Variants in SLC26A3 observed in about 807,000 individuals in gnomAD.
SLC26A3 encodes the protein chloride anion exchanger.
SLC26A3 carries 64 observed loss-of-function variants against 85.6 expected under a neutral mutation model. The observed-to-expected ratio is 0.75, with a 90% CI of 0.61 to 0.92. SLC26A3 has a LOEUF of 0.92. Ranked by LOEUF, SLC26A3 falls within the 40% of genes least tolerant of loss-of-function variation. The probability of loss-of-function intolerance (pLI) is 0.00; values close to 1 mark genes in which losing one functional copy is unlikely to be tolerated. For synonymous variants in SLC26A3, 349 were observed against 336.0 expected, an observed-to-expected ratio of 1.04 and a Z score of -0.42; for missense variants, 922 against 927.3, an observed-to-expected ratio of 0.99 and a Z score of 0.07.
chr7:107,770,276 A>T (rs142172221), intron 18 of SLC26A3, among the ~76,000 whole-genome samples: 3 of 52,918 alleles, frequency 5.7e-5, no homozygotes, highest in East Asian at 6.2e-4. Flanking sequence ...TTTTGATTTG[A>T]GACAGGGTCT....
chr7:107,780,732 A>G (rs907856828), intron 11 of SLC26A3, among the ~76,000 whole-genome samples: 2 of 152,172 alleles, frequency 1.3e-5, no homozygotes, highest in Admixed American at 1.3e-4. Flanking sequence ...AATTTTACTA[A>G]CTGTGAGAAT....
In SLC26A3 at chr7:107,783,370, C is replaced by G. The variant is rs561451277; in HGVS notation, c.972-18G>C. 2 of 1,613,990 alleles carry G rather than the reference C, an allele frequency of 1.2e-6. No homozygotes were observed. The highest frequency in any genetic ancestry group is 1.7e-5 in the Admixed American group (1 of 60,018). On this transcript the variant is annotated intron_variant, in intron 8 of 20. Coordinates refer to ENST00000340010, the MANE Select transcript of SLC26A3 (RefSeq NM_000111.3). Reference sequence around the variant, plus strand: ...GCTGAAATCTAAAATTGAAATTAAGCAAGTCTGAATGTCACCAACCAATTT... The same window carrying G: ...GCTGAAATCTAAAATTGAAATTAAGGAAGTCTGAATGTCACCAACCAATTT...
At chr7:107,770,958 T>C (rs953732018) in intron 18 of SLC26A3, among the ~76,000 whole-genome samples, 1 of 152,186 alleles carries the variant, frequency 6.6e-6, no homozygotes, top group Non-Finnish European at 1.5e-5. Flanking sequence ...GAAAAATTCC[T>C]GAAGAAGGCT....
chr7:107,777,271 A>G (rs1794132418), intron 13 of SLC26A3, among the ~76,000 whole-genome samples: 1 of 152,190 alleles, frequency 6.6e-6, no homozygotes, highest in South Asian at 2.1e-4. Context: ...CTGAGCAACC[A>G]CATGGTAGTG....
chr7:107,779,601 A>G lies in SLC26A3; in HGVS notation c.1407+67T>C, dbSNP rs893132578. The stretch of plus-strand genomic sequence containing the variant: ...CACTTAGTTTACAATATAAACATGC[A>G]TTTCACATTAGCATTAAAATGCTAT... On this transcript the variant is annotated intron_variant, in intron 12 of 20. Coordinates refer to ENST00000340010, the MANE Select transcript of SLC26A3 (RefSeq NM_000111.3). 5.6e-6 allele frequency: 7 copies of G among 1,242,832 alleles called. No individual in the cohort carries two copies. In the Admixed American group the frequency reaches 6.9e-5, roughly 12 times the overall value. 77.0% of individuals were successfully genotyped at this position (1,242,832 alleles called of 1,614,324 possible). A position where few individuals can be genotyped will look rare whatever the true frequency, so the allele number is the denominator to read the frequency against.
At chr7:107,793,200 TAG>T (rs1344760287) in intron 3 of SLC26A3, among the ~76,000 whole-genome samples, 12 of 152,202 alleles carry the variant, frequency 7.9e-5, no homozygotes, top group Non-Finnish European at 1.3e-4. Flanking sequence ...TGATTAAATA[TAG>T]AGTTACCCTA....
chr7:107,782,851 G>T lies in SLC26A3; in HGVS notation c.1257C>A (p.Ile419=). 6.2e-7 allele frequency: 1 copy of T among 1,614,146 alleles called. No individual in the cohort carries two copies. The highest frequency in any genetic ancestry group is 8.5e-7 in the Non-Finnish European group (1 of 1,179,998). ...TGGCTAGAACGACAATCAGCACGATGATGGCACCAATAAGCCCAGCAATCT... is the reference window on the plus strand; with the variant it reads ...TGGCTAGAACGACAATCAGCACGATTATGGCACCAATAAGCCCAGCAATCT... ...KTQIAGLIGA[I]IVLIVVLAIG... is the part of the protein sequence containing the mutation. Residue 419 remains isoleucine, a synonymous_variant, in exon 11 of 21, where the codon ATC becomes ATA. Transcript: ENST00000340010.
intron 20 of SLC26A3, among the ~76,000 whole-genome samples, chr7:107,766,233 T>A (rs1342061504): frequency 6.6e-6 from 1 of 152,116 alleles, no homozygotes; most frequent in African/African-American, 2.4e-5. Flanking sequence ...AAAGAGCTGG[T>A]GTTAAATGTT....
chr7:107,772,281 C>T (rs899293621), intron 17 of SLC26A3, among the ~76,000 whole-genome samples, 173 bp from the exon 18 acceptor site: 3 of 152,120 alleles, frequency 2.0e-5, no homozygotes, highest in African/African-American at 4.8e-5. Context: ...GGCTCTGTGA[C>T]AGAAATAAAC....
intron 8 of SLC26A3, among the ~76,000 whole-genome samples, 164 bp from the exon 9 acceptor site, chr7:107,783,516 C>T (rs761895372): frequency 3.3e-5 from 5 of 152,226 alleles, no homozygotes; most frequent in Non-Finnish European, 5.9e-5. Context: ...AATCTGCTTT[C>T]TTAATGCTGA....
chr7:107,784,294 G>T (rs1211820658), intron 8 of SLC26A3, among the ~76,000 whole-genome samples: 2 of 152,096 alleles, frequency 1.3e-5, no homozygotes, highest in Non-Finnish European at 2.9e-5. Context: ...TAATAACCAG[G>T]ATCTTATTAT....
chr7:107,792,030 C>A (rs1468348932), intron 3 of SLC26A3, 90 bp from the exon 4 acceptor site: 4 of 789,212 alleles, frequency 5.1e-6, no homozygotes, highest in Middle Eastern at 2.3e-4. Context: ...AGAATTGGAT[C>A]CTAAAAATAA....
At chr7:107,796,151 G>C (rs544855663) in intron 1 of SLC26A3, among the ~76,000 whole-genome samples, 1 of 151,974 alleles carries the variant, frequency 6.6e-6, no homozygotes, top group African/African-American at 2.4e-5. Context: ...ACTGTCGCTT[G>C]GGGTAGAGTG....
intron 3 of SLC26A3, 70 bp from the exon 4 acceptor site, chr7:107,792,010 T>C: frequency 1.1e-6 from 1 of 927,956 alleles, no homozygotes; most frequent in Non-Finnish European, 1.8e-6. Flanking sequence ...ATTTGGTTCT[T>C]ATGGTATTTA....
rs115548125 is a variant in SLC26A3, at chr7:107,789,018, G to A, written c.735+506C>T. Among the ~76,000 whole-genome samples the A allele has an allele frequency of 8.1e-3, 1,222 of 151,192 alleles. 12 individuals are homozygous for A. Among genetic ancestry groups the A allele is most frequent in the African/African-American group, 0.028 (1,149 of 41,218 alleles). The stretch of plus-strand genomic sequence containing the variant: ...GGCTGGTCTTGAACTCCTGGGTTCA[G>A]GTGTCAAGTGATCCTCCTACCTCAG... On this transcript the variant is annotated intron_variant, in intron 6 of 20. Coordinates refer to ENST00000340010, the MANE Select transcript of SLC26A3 (RefSeq NM_000111.3).
chr7:107,766,512 T>G (rs1793917946), intron 20 of SLC26A3, among the ~76,000 whole-genome samples: 3 of 152,180 alleles, frequency 2.0e-5, no homozygotes, highest in Non-Finnish European at 4.4e-5. Context: ...TTATGTACAT[T>G]CGCCTCTTAC....
At chr7:107,768,029 T>C in intron 18 of SLC26A3, 121 bp from the exon 19 acceptor site, 1 of 863,012 alleles carries the variant, frequency 1.2e-6, no homozygotes, top group Non-Finnish European at 1.9e-6. Context: ...TTTGGTTAAG[T>C]GTGTGTGGGT....
At chr7:107,770,222 T>C in intron 18 of SLC26A3, among the ~76,000 whole-genome samples, 1 of 21,446 alleles carries the variant, frequency 4.7e-5, no homozygotes, top group Non-Finnish European at 1.0e-4. Context: ...TTTTTTTTTT[T>C]TTTTTTTTTT....
chr7:107,786,533 G>C (rs1398483255), intron 8 of SLC26A3, among the ~76,000 whole-genome samples: 1 of 150,398 alleles, frequency 6.6e-6, no homozygotes, highest in Non-Finnish European at 1.5e-5. Context: ...ACTGGTCTGT[G>C]TCCCTGCTTG....
Sources: gnomAD v4.1 joint callset for allele counts (sites outside exome capture counted in the v4.1 genomes callset) on GRCh38, gnomAD v4.1.1 for gene constraint, MANE v1.5 for transcripts, NCBI Gene and HGNC (gene_info 2026-07-23, HGNC 2026-07-21) for gene names.